Variants in PDE1C observed in about 807,000 individuals in gnomAD.
PDE1C encodes dual specificity calcium/calmodulin-dependent 3',5'-cyclic nucleotide phosphodiesterase 1C.
A neutral mutation model predicts 93.1 loss-of-function variants in PDE1C; 62 were observed. The ratio of observed to expected loss-of-function variants is 0.67; its 90% CI spans 0.54 to 0.82. PDE1C has a LOEUF of 0.82. Ranked by LOEUF, PDE1C falls within the 40% of genes least tolerant of loss-of-function variation. The pLI is 0.00. For synonymous variants in PDE1C, 325 were observed against 310.1 expected, an observed-to-expected ratio of 1.05 and a Z score of -0.50; for missense variants, 742 against 884.6, an observed-to-expected ratio of 0.84 and a Z score of 2.04.
chr7:31,990,434 T>C (rs1255627871), intron 2 of PDE1C, among the ~76,000 whole-genome samples: 1 of 152,168 alleles, frequency 6.6e-6, no homozygotes. Flanking sequence ...ATTAAACCTC[T>C]TTTTCTTTAT....
rs143270329 is a variant in PDE1C at position 32,341,448 on chromosome 7, T to C, written c.310+86374A>G. On this transcript the variant is annotated intron_variant, in intron 1 of 1. Coordinates refer to the PDE1C transcript ENST00000672256. ...CCTCGGCCTCCCAAAGTGCTGGGAT[T>C]ACAGGCGTGAGCCACCGCGCCCGGC... Among the ~76,000 whole-genome samples, 1,413 of 152,008 alleles carry C rather than the reference T, an allele frequency of 9.3e-3. 34 individuals carry two copies. The highest frequency in any genetic ancestry group is 0.033 in the African/African-American group (1,364 of 41,456).
chr7:31,914,689 T>C (rs13226268), intron 2 of PDE1C, among the ~76,000 whole-genome samples: 2 of 152,206 alleles, frequency 1.3e-5, no homozygotes, highest in African/African-American at 4.8e-5. Context: ...AAGAACAACT[T>C]GGGTAAAAGA....
intron 2 of PDE1C, among the ~76,000 whole-genome samples, chr7:31,943,923 T>C (rs1246311579): frequency 6.6e-5 from 10 of 152,158 alleles, no homozygotes; most frequent in Admixed American, 5.2e-4. Flanking sequence ...AAGAATCTCA[T>C]CAGGCAAAAC....
chr7:31,640,972 G>A, the PDE1C span, among the ~76,000 whole-genome samples: 1 of 152,018 alleles, frequency 6.6e-6, no homozygotes, highest in Non-Finnish European at 1.5e-5. Context: ...ATACAAAATT[G>A]AGCCATTACT....
rs573505675 is a variant in PDE1C at position 31,879,403 on chromosome 7, T to C, written c.243-225A>G. On this transcript the variant is annotated intron_variant, in intron 3 of 17. Coordinates refer to ENST00000396191, the MANE Select transcript of PDE1C (RefSeq NM_001191057.4). Reference sequence around the variant, plus strand: ...ACTGATATTTCAGGATGGTTCTCTCTACCAGACTGGACAAAGGAACTGGTC... The same window carrying C: ...ACTGATATTTCAGGATGGTTCTCTCCACCAGACTGGACAAAGGAACTGGTC... 28 of 493,426 alleles carry C rather than the reference T, an allele frequency of 5.7e-5. No individual in the cohort carries two copies. The East Asian group carries it at 7.2e-4, about 13-fold the overall frequency. The allele number at this position is 493,426 out of a possible 1,614,324, so 30.6% of individuals were successfully genotyped here.
At chr7:32,319,323 G>A (rs73089957) in intron 1 of PDE1C, among the ~76,000 whole-genome samples, 6,146 of 152,222 alleles carry the variant, frequency 0.04, 263 homozygotes, top group South Asian at 0.18. Context: ...CCTGCCCCTT[G>A]ACTTGGTGTT....
At position 32,126,425 on chromosome 7, in the gene PDE1C, T is replaced by C. The variant is rs1003325198; in HGVS notation, c.308+43360A>G. ...GGCATTTAAACATTAAATGACACTATAGCTGTCACTCATAAGTATATAAAG... is the reference window on the plus strand; with the variant it reads ...GGCATTTAAACATTAAATGACACTACAGCTGTCACTCATAAGTATATAAAG... On this transcript the variant is annotated intron_variant, in intron 3 of 18. Coordinates refer to the PDE1C transcript ENST00000396193. Among the ~76,000 whole-genome samples, 3 of 152,148 alleles carry C rather than the reference T, an allele frequency of 2.0e-5. No individual in the cohort carries two copies. In the South Asian group the frequency reaches 6.2e-4, roughly 31 times the overall value.
At chr7:31,802,398 T>C in intron 16 of PDE1C, among the ~76,000 whole-genome samples, 1 of 151,736 alleles carries the variant, frequency 6.6e-6, no homozygotes, top group East Asian at 1.9e-4. Flanking sequence ...ATTTCATTTT[T>C]GTATATGTTA....
At chr7:31,648,429 C>A in the PDE1C span, among the ~76,000 whole-genome samples, 2 of 151,954 alleles carry the variant, frequency 1.3e-5, no homozygotes, top group East Asian at 3.9e-4. Flanking sequence ...ATTATGAAAT[C>A]ATTTCTATAC....
chr7:32,226,375 A>T (rs1484303470), intron 1 of PDE1C, among the ~76,000 whole-genome samples: 1 of 152,250 alleles, frequency 6.6e-6, no homozygotes, highest in Non-Finnish European at 1.5e-5. Flanking sequence ...ACACACTGTG[A>T]AATTTTATAT....
chr7:32,192,394 C>T (rs1377731433), intron 2 of PDE1C, among the ~76,000 whole-genome samples: 1 of 152,050 alleles, frequency 6.6e-6, no homozygotes, highest in Non-Finnish European at 1.5e-5. Flanking sequence ...GGTCAAGGTT[C>T]GTATTTTTGT....
rs538505551 is a variant in PDE1C at position 32,250,222 on chromosome 7, T to C, written c.86-40683A>G. ...TTGAATCCTCACATCCCCCTGCCTCTGGGGTAGACAGTGCTACTATCCCCA... is the reference window on the plus strand; with the variant it reads ...TTGAATCCTCACATCCCCCTGCCTCCGGGGTAGACAGTGCTACTATCCCCA... On this transcript the variant is annotated intron_variant, in intron 1 of 18. Transcript: ENST00000396193. 2.0e-5 allele frequency among the ~76,000 whole-genome samples: 3 copies of C among 152,276 alleles called. No individual in the cohort carries two copies. The South Asian group carries it at 6.2e-4, about 32-fold the overall frequency.
At chr7:31,821,538 G>A (rs1224670158) in intron 14 of PDE1C, among the ~76,000 whole-genome samples, 1 of 152,116 alleles carries the variant, frequency 6.6e-6, no homozygotes, top group Non-Finnish European at 1.5e-5. Context: ...TGCCATCGCT[G>A]CTTGCAATGC....
intron 2 of PDE1C, among the ~76,000 whole-genome samples, chr7:31,948,008 G>A (rs1035386576): frequency 6.6e-6 from 1 of 152,130 alleles, no homozygotes; most frequent in African/African-American, 2.4e-5. Context: ...AACAAATTTC[G>A]AAAGACTAAA....
At chr7:32,245,945 T>A (rs1171446138) in intron 1 of PDE1C, among the ~76,000 whole-genome samples, 1 of 150,354 alleles carries the variant, frequency 6.7e-6, no homozygotes, top group Non-Finnish European at 1.5e-5. Context: ...AGGATTTCAA[T>A]AAGTGAATTT....
At chr7:32,154,479 T>C (rs1407010684) in intron 3 of PDE1C, among the ~76,000 whole-genome samples, 2 of 152,206 alleles carry the variant, frequency 1.3e-5, no homozygotes, top group South Asian at 2.1e-4. Context: ...AACCAGGAAA[T>C]TGATGTGGAC....
intron 2 of PDE1C, among the ~76,000 whole-genome samples, chr7:31,916,605 G>A (rs1184184023): frequency 2.0e-5 from 3 of 152,150 alleles, no homozygotes; most frequent in Non-Finnish European, 2.9e-5. Context: ...GACAGGTTAC[G>A]GGGTAGCTTT....
intron 2 of PDE1C, among the ~76,000 whole-genome samples, chr7:32,170,747 C>T (rs1562544225): frequency 6.6e-6 from 1 of 152,126 alleles, no homozygotes; most frequent in Non-Finnish European, 1.5e-5. Flanking sequence ...TGGCCTCCTG[C>T]CTCCCTTGTC....
chr7:32,401,270 G>A (rs1400415500), intron 1 of PDE1C, among the ~76,000 whole-genome samples: 1 of 152,298 alleles, frequency 6.6e-6, no homozygotes, highest in East Asian at 1.9e-4. Context: ...CGGGTACAGT[G>A]GCTTACACCT....
Sources: gnomAD v4.1 joint callset for allele counts (sites outside exome capture counted in the v4.1 genomes callset) on GRCh38, gnomAD v4.1.1 for gene constraint, MANE v1.5 for transcripts, NCBI Gene and HGNC (gene_info 2026-07-23, HGNC 2026-07-21) for gene names.